Variants in BUD23 observed in about 807,000 individuals in gnomAD.
The protein encoded by BUD23 is 18S rRNA (guanine-N(7))-methyltransferase.
Under a neutral mutation model 47.0 loss-of-function variants are expected in BUD23, and 34 were observed. The ratio of observed to expected loss-of-function variants is 0.72; its 90% CI spans 0.55 to 0.96. BUD23 has a LOEUF of 0.96. Among genes scored for constraint, BUD23 ranks in the 40% least tolerant of loss-of-function variants. The probability of loss-of-function intolerance (pLI) is 0.00; values close to 1 mark genes in which losing one functional copy is unlikely to be tolerated. For synonymous variants in BUD23, 124 were observed against 132.0 expected, an observed-to-expected ratio of 0.94 and a Z score of 0.41; for missense variants, 343 against 361.2, an observed-to-expected ratio of 0.95 and a Z score of 0.41.
rs1423749135 is a variant in BUD23 at position 73,693,423 on chromosome 7, T to C, written c.596+9T>C. 1 of 1,613,986 alleles carries C rather than the reference T, an allele frequency of 6.2e-7. No individual in the cohort carries two copies. Among genetic ancestry groups the C allele is most frequent in the Non-Finnish European group, 8.5e-7 (1 of 1,179,950 alleles). ...AGTGCCAAAGCAAAGAAGTGAGCGC[T>C]GGGGGCCGGTGTGCTGCCTGGGCTG... On this transcript the variant is annotated intron_variant, in intron 8 of 11. Transcript: ENST00000265758.
chr7:73,697,941 G>A lies in BUD23; in HGVS notation c.*55G>A. 6.4e-7 allele frequency: 1 copy of A among 1,553,692 alleles called. No homozygotes were observed. Among genetic ancestry groups the A allele is most frequent in the African/African-American group, 1.4e-5 (1 of 72,068 alleles). On this transcript the variant is annotated 3_prime_UTR_variant, in exon 12 of 12. Transcript: ENST00000265758. ...CCTCTGCACTTTTCTATATTGTTCA[G>A]CTGACAAAGTAGTATTTTAGAAAAG...
chr7:73,690,863 T>C (rs1798164692), intron 5 of BUD23, 53 bp from the exon 6 acceptor site: 2 of 1,433,912 alleles, frequency 1.4e-6, no homozygotes, highest in South Asian at 2.3e-5. Flanking sequence ...TTGAAGTGGT[T>C]GGGGGAGCAA....
intron 10 of BUD23, 38 bp from the exon 11 acceptor site, chr7:73,697,567 C>T: frequency 6.2e-7 from 1 of 1,613,158 alleles, no homozygotes; most frequent in Non-Finnish European, 8.5e-7. Context: ...CCCCATCCAT[C>T]AGCTGTCCAT....
rs782613992 is a variant in BUD23 at position 73,693,654 on chromosome 7, G to A, written c.627G>A (p.Ser209=). The A allele has an allele frequency of 2.3e-5, 37 of 1,613,982 alleles. No homozygotes were observed. The highest frequency in any genetic ancestry group is 1.6e-4 in the Middle Eastern group (1 of 6,084). Reference sequence around the variant, plus strand: ...ACCTCTGCTTGTTTTCTGGGCCTTCGACCTTTATACCAGAGGTGAGGGACA... The same window carrying A: ...ACCTCTGCTTGTTTTCTGGGCCTTCAACCTTTATACCAGAGGTGAGGGACA... ...KFYLCLFSGP[S]TFIPEGLSEN... The change falls in exon 9 of 12, where the codon TCG becomes TCA. Residue 209 remains serine (S), a synonymous_variant. Transcript: ENST00000265758.
chr7:73,686,598 C>A, intron 2 of BUD23, 38 bp from the exon 3 acceptor site: 1 of 1,583,654 alleles, frequency 6.3e-7, no homozygotes, highest in Non-Finnish European at 8.7e-7. Flanking sequence ...TCACCCAGAA[C>A]TCCTTTACCA....
At chr7:73,693,276 C>T (rs1764599600) in intron 7 of BUD23, 53 bp from the exon 8 acceptor site, 4 of 1,503,032 alleles carry the variant, frequency 2.7e-6, no homozygotes, top group Non-Finnish European at 9.1e-7. Context: ...GGAGGTGAAG[C>T]TGTCTGCTCC....
At chr7:73,683,879 C>T in intron 2 of BUD23, 75 bp downstream of exon 2, 1 of 1,613,092 alleles carries the variant, frequency 6.2e-7, no homozygotes, top group Non-Finnish European at 8.5e-7. Context: ...TGGCGTTGCC[C>T]GGAAAGGCCG....
intron 2 of BUD23, among the ~76,000 whole-genome samples, chr7:73,684,603 T>TA (rs75702804): frequency 0.4 from 25,637 of 63,832 alleles, 4,732 homozygotes; most frequent in South Asian, 0.61. Context: ...CTCGAGTCGT[T>TA]AAAAAAAAAA....
At position 73,697,699 on chromosome 7, in the gene BUD23, G is replaced by C. The variant is rs1554615121; in HGVS notation, c.791+5G>C. On this transcript the variant is annotated splice_donor_5th_base_variant and intron_variant, in intron 11 of 11. Transcript: ENST00000265758. ...GCGGCACAGGCGCCAGGGCAGGTGA[G>C]TGCCAGCCTGGGAGCTGGCAGGGTG... 1 of 1,606,808 alleles carries C rather than the reference G, an allele frequency of 6.2e-7. No individual in the cohort carries two copies. Among genetic ancestry groups the C allele is most frequent in the East Asian group, 2.2e-5 (1 of 44,730 alleles).
At position 73,689,436 on chromosome 7, in the gene BUD23, A is replaced by C. The variant is rs549407886; in HGVS notation, c.363-1480A>C. On this transcript the variant is annotated intron_variant, in intron 5 of 11. Transcript: ENST00000265758. ...GGGAAATGAAACAGTTTCTGCGTGT[A>C]AGACTCTCCACGGTTTATTAGGTGC... Among the ~76,000 whole-genome samples, 3 of 152,128 alleles carry C rather than the reference A, an allele frequency of 2.0e-5. No homozygotes were observed. In the East Asian group the frequency reaches 5.8e-4, roughly 29 times the overall value.
At position 73,684,200 on chromosome 7, in the gene BUD23, A is replaced by G. The variant is rs79097318; in HGVS notation, c.86+396A>G. Among the ~76,000 whole-genome samples the G allele has an allele frequency of 0.035, 5,341 of 152,078 alleles. 92 individuals carry two copies. The highest frequency in any genetic ancestry group is 0.04 in the African/African-American group (1,675 of 41,472). ...AAATCTCCAAGACAGCAGTTGGTGT[A>G]TTATTGTCTGAATTTCATAGAGGGT... On this transcript the variant is annotated intron_variant, in intron 2 of 11. Coordinates refer to ENST00000265758, the MANE Select transcript of BUD23 (RefSeq NM_017528.5).
Position 73,686,810 on chromosome 7 carries a change from T to A in BUD23, c.183-8T>A. On this transcript the variant is annotated splice_polypyrimidine_tract_variant and splice_region_variant and intron_variant, in intron 3 of 11. Coordinates refer to ENST00000265758, the MANE Select transcript of BUD23 (RefSeq NM_017528.5). Reference sequence around the variant, plus strand: ...AACTGACCCTGAGTGTCTGGTCATGTCTTCCAGCTGTGGCACTGGGCTGAG... The same window carrying A: ...AACTGACCCTGAGTGTCTGGTCATGACTTCCAGCTGTGGCACTGGGCTGAG... The A allele has an allele frequency of 6.2e-7, 1 of 1,614,162 alleles. No homozygotes were observed. The highest frequency in any genetic ancestry group is 2.2e-5 in the East Asian group (1 of 44,888).
chr7:73,687,288 G>T (rs1320287036), intron 5 of BUD23, among the ~76,000 whole-genome samples, 193 bp downstream of exon 5: 3 of 151,818 alleles, frequency 2.0e-5, no homozygotes, highest in Admixed American at 6.6e-5. Flanking sequence ...CTAATTTTTT[G>T]TTTTTTTGAG....
intron 10 of BUD23, 124 bp from the exon 11 acceptor site, chr7:73,697,481 T>C (rs782176996): frequency 5.8e-6 from 9 of 1,558,666 alleles, no homozygotes; most frequent in African/African-American, 1.4e-5. Flanking sequence ...GTGGAGCATT[T>C]GAGAGAAGGG....
chr7:73,684,871 C>CG (rs1797889652), intron 2 of BUD23, among the ~76,000 whole-genome samples: 5 of 128,748 alleles, frequency 3.9e-5, no homozygotes, highest in African/African-American at 1.5e-4. Flanking sequence ...TTGCAGTGAG[C>CG]CGACATCACG....
intron 5 of BUD23, among the ~76,000 whole-genome samples, chr7:73,689,351 C>CTT (rs782421144): frequency 2.1e-5 from 3 of 143,050 alleles, no homozygotes; most frequent in Non-Finnish European, 3.1e-5. Flanking sequence ...CCGGCCCAGA[C>CTT]TTTTTTTTTT....
intron 10 of BUD23, chr7:73,696,895 T>C (rs1321096579): frequency 1.9e-5 from 3 of 158,378 alleles, no homozygotes; most frequent in Non-Finnish European, 4.2e-5. Flanking sequence ...TTGATGACTT[T>C]CCCCCTTGCT....
intron 10 of BUD23, chr7:73,696,953 TC>T (rs782195438): frequency 1.8e-5 from 3 of 166,058 alleles, no homozygotes; most frequent in East Asian, 3.5e-4. Flanking sequence ...CACTCTGCCC[TC>T]ACTTTGTACT....
intron 7 of BUD23, 130 bp downstream of exon 7, chr7:73,692,776 C>T: frequency 1.2e-6 from 1 of 849,492 alleles, no homozygotes; most frequent in South Asian, 1.8e-5. Flanking sequence ...AGTGTGGCCC[C>T]TGATGGCACA....
Sources: gnomAD v4.1 joint callset for allele counts (sites outside exome capture counted in the v4.1 genomes callset) on GRCh38, gnomAD v4.1.1 for gene constraint, MANE v1.5 for transcripts, NCBI Gene and HGNC (gene_info 2026-07-23, HGNC 2026-07-21) for gene names.